LAT2: variants seen among roughly 807,000 people sequenced by gnomAD.
LAT2 encodes linker for activation of T cells family member 2.
Under a neutral mutation model 43.4 loss-of-function variants are expected in LAT2, and 23 were observed. That is an observed-to-expected ratio of 0.53 (90% CI 0.38 to 0.75). The LOEUF (loss-of-function observed/expected upper bound fraction) is 0.75, where lower values mean the gene tolerates loss of function less well. Ranked by LOEUF, LAT2 falls within the 30% of genes least tolerant of loss-of-function variation. The probability of loss-of-function intolerance (pLI) is 0.00; values close to 1 mark genes in which losing one functional copy is unlikely to be tolerated. For missense variants in LAT2, 284 were observed against 310.2 expected (o/e 0.92, Z 0.64); for synonymous variants, 128 against 123.2 (o/e 1.04, Z -0.26).
intron 1 of LAT2, among the ~76,000 whole-genome samples, chr7:74,213,803 C>T (rs1801828141): frequency 6.6e-6 from 1 of 151,866 alleles, no homozygotes; most frequent in Non-Finnish European, 1.5e-5. Context: ...GCCCTCCTCA[C>T]TGGTGGCCAG....
chr7:74,210,927 A>T (rs1425671487), intron 1 of LAT2, among the ~76,000 whole-genome samples: 1 of 152,114 alleles, frequency 6.6e-6, no homozygotes, highest in African/African-American at 2.4e-5. Context: ...ACCACAGCTC[A>T]GCTCGGAGAA....
In LAT2 at chr7:74,215,989, C is replaced by G. The variant is rs782279424; in HGVS notation, c.14C>G (p.Thr5Ser). MSSG[T>S]ELLWPGAALL... ...CCAGGAGCCAACATGAGCTCGGGGA[C>G]TGAACTGCTGTGGCCCGGAGCAGCG... Residue 5 changes from threonine to serine, a missense_variant, in exon 3 of 14, where the codon ACT becomes AGT. Coordinates refer to ENST00000460943, the MANE Select transcript of LAT2 (RefSeq NM_032464.3). The G allele has an allele frequency of 2.5e-6, 4 of 1,614,100 alleles. No homozygotes were observed. The highest frequency in any genetic ancestry group is 3.4e-6 in the Non-Finnish European group (4 of 1,180,020).
chr7:74,221,520 T>C (rs1218939582), intron 9 of LAT2, 117 bp from the exon 10 acceptor site: 2 of 560,116 alleles, frequency 3.6e-6, no homozygotes, highest in Non-Finnish European at 6.1e-6. Flanking sequence ...CAGACCCCCA[T>C]GGCCCCCAAG....
At chr7:74,219,486 G>A (rs1554714713) in intron 4 of LAT2, among the ~76,000 whole-genome samples, 4 of 152,242 alleles carry the variant, frequency 2.6e-5, no homozygotes, top group Non-Finnish European at 1.5e-5. Context: ...TGTCAGGGAT[G>A]GGTCTGGCTG....
chr7:74,218,184 C>G (rs1802112556), intron 4 of LAT2, among the ~76,000 whole-genome samples: 2 of 152,228 alleles, frequency 1.3e-5, no homozygotes, highest in African/African-American at 4.8e-5. Context: ...GCCTCTCCAT[C>G]TGTCACCTCG....
chr7:74,220,508 C>G lies in LAT2; in HGVS notation c.266-76C>G. On this transcript the variant is annotated intron_variant, in intron 7 of 13. Transcript: ENST00000460943. This position sits in a 1 kb window ranked among gnomAD's most constrained non-coding sequence, Gnocchi z 4.5. Reference sequence around the variant, plus strand: ...CAGACACGGGAAATAGCTGGCCCTGCCTTGGGCTGCAGCACCCGAGCTGGG... The same window carrying G: ...CAGACACGGGAAATAGCTGGCCCTGGCTTGGGCTGCAGCACCCGAGCTGGG... 1 of 1,582,920 alleles carries G rather than the reference C, an allele frequency of 6.3e-7. No homozygotes were observed. Among genetic ancestry groups the G allele is most frequent in the Non-Finnish European group, 8.7e-7 (1 of 1,154,846 alleles).
At chr7:74,213,500 C>T (rs1234708125) in intron 1 of LAT2, among the ~76,000 whole-genome samples, 1 of 150,018 alleles carries the variant, frequency 6.7e-6, no homozygotes, top group Non-Finnish European at 1.5e-5. Context: ...TCTCGGCCCA[C>T]TGCAACCTCC....
chr7:74,220,193 C>T lies in LAT2; in HGVS notation c.228-24C>T. The T allele has an allele frequency of 6.3e-7, 1 of 1,595,556 alleles. No individual in the cohort carries two copies. The highest frequency in any genetic ancestry group is 8.5e-7 in the Non-Finnish European group (1 of 1,170,182). ...CTCTCCCCTACAGCCCCTCCTTTAA[C>T]TCCCTCCTTCCCCCTCCCTGCAGGA... On this transcript the variant is annotated intron_variant, in intron 6 of 13. Transcript: ENST00000460943. This position sits in a 1 kb window ranked among gnomAD's most constrained non-coding sequence, Gnocchi z 4.5.
intron 1 of LAT2, among the ~76,000 whole-genome samples, chr7:74,213,636 G>A (rs1262170730): frequency 2.0e-5 from 3 of 151,742 alleles, no homozygotes; most frequent in Non-Finnish European, 2.9e-5. Context: ...TGTTGGTCAG[G>A]CTAGTCTCGA....
intron 10 of LAT2, among the ~76,000 whole-genome samples, 174 bp downstream of exon 10, chr7:74,221,866 C>T (rs1554715364): frequency 1.8e-5 from 1 of 55,494 alleles, no homozygotes; most frequent in African/African-American, 7.3e-5. Context: ...GGATAGGGGG[C>T]GGGCGGGTCA....
chr7:74,213,802 A>G (rs1237301144), intron 1 of LAT2, among the ~76,000 whole-genome samples: 2 of 151,670 alleles, frequency 1.3e-5, no homozygotes, highest in African/African-American at 2.4e-5. Context: ...AGCCCTCCTC[A>G]CTGGTGGCCA....
chr7:74,221,515 C>T, intron 9 of LAT2, 122 bp from the exon 10 acceptor site: 1 of 603,968 alleles, frequency 1.7e-6, no homozygotes, highest in Non-Finnish European at 2.9e-6. Context: ...CCTGGCAGAC[C>T]CCCATGGCCC....
rs1338574177 is a variant in LAT2 at position 74,226,724 on chromosome 7, GAA to G, written c.*18+1966_*18+1967del. Among the ~76,000 whole-genome samples the G allele has an allele frequency of 2.0e-5, 3 of 152,302 alleles. No individual in the cohort carries two copies. In the East Asian group the frequency reaches 5.8e-4, roughly 29 times the overall value. ...TCACTGGTGGTAAGTCTGGCAGAGA[GAA>G]ACAAAACAGGGAAGCGGGGCAGGAA... On this transcript the variant is annotated intron_variant, in intron 13 of 13. Coordinates refer to ENST00000460943, the MANE Select transcript of LAT2 (RefSeq NM_032464.3).
At position 74,220,790 on chromosome 7, in the gene LAT2, C is replaced by A. The variant is rs1802241536; in HGVS notation, c.332+56C>A. On this transcript the variant is annotated intron_variant, in intron 9 of 13. Coordinates refer to ENST00000460943, the MANE Select transcript of LAT2 (RefSeq NM_032464.3). The surrounding 1 kb of genome is among the most constrained non-coding windows in gnomAD (Gnocchi z 4.5). ...TCGCCTCTCCCCCTGCCCCACCTCT[C>A]CCCCTGCCCCACCTCTCCCCCTGCC... 5.7e-6 allele frequency: 8 copies of A among 1,408,918 alleles called. No individual in the cohort carries two copies. Among genetic ancestry groups the A allele is most frequent in the South Asian group, 2.8e-5 (2 of 70,830 alleles). The allele number at this position is 1,408,918 out of a possible 1,614,324, so 87.3% of individuals were successfully genotyped here. A position where few individuals can be genotyped will look rare whatever the true frequency, so the allele number is the denominator to read the frequency against.
chr7:74,220,277 A>G lies in LAT2; in HGVS notation c.265+23A>G, dbSNP rs782092460. 3 of 1,607,256 alleles carry G rather than the reference A, an allele frequency of 1.9e-6. No homozygotes were observed. Among genetic ancestry groups the G allele is most frequent in the East Asian group, 2.2e-5 (1 of 44,758 alleles). On this transcript the variant is annotated intron_variant, in intron 7 of 13. Transcript: ENST00000460943. This position sits in a 1 kb window ranked among gnomAD's most constrained non-coding sequence, Gnocchi z 4.5. Reference sequence around the variant, plus strand: ...AGGGTGAGTGGCACAGGGCAGGGACAGGGACAGGCCTAGCCAAGCTGGGAC... The same window carrying G: ...AGGGTGAGTGGCACAGGGCAGGGACGGGGACAGGCCTAGCCAAGCTGGGAC...
At position 74,214,525 on chromosome 7, in the gene LAT2, AATATATATATGAATATAT is replaced by A. The variant is rs1801921419; in HGVS notation, c.-218-286_-218-269del. Among the ~76,000 whole-genome samples, 5 of 11,280 alleles carry A rather than the reference AATATATATATGAATATAT, an allele frequency of 4.4e-4. 1 individual carries two copies. Among genetic ancestry groups the A allele is most frequent in the Non-Finnish European group, 5.2e-4 (4 of 7,652 alleles). 7.4% of individuals were successfully genotyped at this position (11,280 alleles called of 152,430 possible). A position where few individuals can be genotyped will look rare whatever the true frequency, so the allele number is the denominator to read the frequency against. On this transcript the variant is annotated intron_variant, in intron 1 of 13. Transcript: ENST00000460943. ...ATATATATATATGAAAATATATATA[AATATATATATGAATATAT>A]ATATATATATATGAAAATATATATA...
At position 74,220,402 on chromosome 7, in the gene LAT2, G is replaced by C. The variant is rs1287831303; in HGVS notation, c.265+148G>C. 1.6e-6 allele frequency: 2 copies of C among 1,239,752 alleles called. No homozygotes were observed. Among genetic ancestry groups the C allele is most frequent in the African/African-American group, 3.0e-5 (2 of 67,708 alleles). The allele number at this position is 1,239,752 out of a possible 1,614,324, so 76.8% of individuals were successfully genotyped here. A position where few individuals can be genotyped will look rare whatever the true frequency, so the allele number is the denominator to read the frequency against. On this transcript the variant is annotated intron_variant, in intron 7 of 13. Transcript: ENST00000460943. This position sits in a 1 kb window ranked among gnomAD's most constrained non-coding sequence, Gnocchi z 4.5. ...GAGACACACAGGCTGGGGCAGGGCA[G>C]GCTCCTGGAATCGGCCTGGCAGGGG...
At chr7:74,222,438 G>A (rs1416005164) in intron 10 of LAT2, among the ~76,000 whole-genome samples, 3 of 151,594 alleles carry the variant, frequency 2.0e-5, no homozygotes, top group African/African-American at 7.3e-5. Flanking sequence ...GGGCAACTGA[G>A]GACTCAGGGT....
chr7:74,228,378 A>G (rs1230058018), intron 13 of LAT2, among the ~76,000 whole-genome samples: 2 of 151,462 alleles, frequency 1.3e-5, no homozygotes, highest in Non-Finnish European at 2.9e-5. Context: ...TGGGAGGCTG[A>G]GGCAAGAGAA....
Sources: allele counts gnomAD v4.1 joint callset (sites outside exome capture counted in the v4.1 genomes callset), GRCh38; gene constraint gnomAD v4.1.1; non-coding constraint Gnocchi (gnomAD v3.1); transcripts MANE v1.5; gene names NCBI Gene and HGNC (gene_info 2026-07-23, HGNC 2026-07-21).